ISY1: variants seen among roughly 807,000 people sequenced by gnomAD.
The protein encoded by ISY1 is ISY1 spliceosome associated protein, also known as pre-mRNA-splicing factor ISY1 homolog.
A neutral mutation model predicts 54.4 loss-of-function variants in ISY1; 12 were observed. That is an observed-to-expected ratio of 0.22 (90% CI 0.14 to 0.36). The LOEUF (loss-of-function observed/expected upper bound fraction) is 0.36. Among genes scored for constraint, ISY1 ranks in the 10% least tolerant of loss-of-function variants. The probability of loss-of-function intolerance (pLI) is 1.00; values close to 1 mark genes in which losing one functional copy is unlikely to be tolerated. For synonymous variants in ISY1, 96 were observed against 117.9 expected (o/e 0.81, Z 1.20); for missense variants, 282 against 342.2 (o/e 0.82, Z 1.39).
chr3:129,134,242 C>T, intron 8 of ISY1, 47 bp from the exon 9 acceptor site: 2 of 1,612,284 alleles, frequency 1.2e-6, no homozygotes, highest in Non-Finnish European at 8.5e-7. Context: ...TCTAAATGAG[C>T]TTTCAACACT....
chr3:129,136,511 T>C (rs1224992996), intron 7 of ISY1, among the ~76,000 whole-genome samples: 1 of 150,058 alleles, frequency 6.7e-6, no homozygotes, highest in Non-Finnish European at 1.5e-5. Flanking sequence ...TGTTTTTTTC[T>C]TTTTTTTGTG....
rs1936171296 is a variant in ISY1 at position 129,129,177 on chromosome 3, T to C, written c.*904A>G. The C allele has an allele frequency of 6.6e-6, 1 of 152,188 alleles. No homozygotes were observed. Among genetic ancestry groups the C allele is most frequent in the Non-Finnish European group, 1.5e-5 (1 of 68,048 alleles). 9.4% of individuals were successfully genotyped at this position (152,188 alleles called of 1,614,324 possible). ...TGGCCCAGGGAACAAGCTGAAGACA[T>C]GGAGGTTTCCCTTTCTTATAAAAAT... is the stretch of plus-strand genomic sequence containing the variant. On this transcript the variant is annotated 3_prime_UTR_variant, in exon 11 of 11. Transcript: ENST00000393295.
chr3:129,156,170 G>A (rs960588295), intron 5 of ISY1, among the ~76,000 whole-genome samples: 2 of 151,858 alleles, frequency 1.3e-5, no homozygotes, highest in Admixed American at 6.6e-5. Flanking sequence ...AGGCTGAGGC[G>A]GGCGAATTGC....
At chr3:129,146,598 T>C (rs1936769828) in intron 5 of ISY1, among the ~76,000 whole-genome samples, 2 of 152,278 alleles carry the variant, frequency 1.3e-5, no homozygotes, top group South Asian at 2.1e-4. Context: ...CTAAGACTGA[T>C]GCTCTAGAAG....
At chr3:129,152,427 G>A (rs1201524733) in intron 5 of ISY1, among the ~76,000 whole-genome samples, 3 of 149,956 alleles carry the variant, frequency 2.0e-5, no homozygotes, top group Non-Finnish European at 4.4e-5. Flanking sequence ...TTTTTGAGAC[G>A]GAGTCTCGCT....
chr3:129,151,121 C>CA lies in ISY1; in HGVS notation c.188-5249dup, dbSNP rs924271437. Reference sequence around the variant, plus strand: ...TGGGTGACAGAGGAAGACTCTGTCTCAAAAAAAAATATATATATATATAAA... The same window carrying CA: ...TGGGTGACAGAGGAAGACTCTGTCTCAAAAAAAAAATATATATATATATAAA... On this transcript the variant is annotated intron_variant, in intron 5 of 10. Transcript: ENST00000393295. Among the ~76,000 whole-genome samples the CA allele has an allele frequency of 7.7e-4, 93 of 120,916 alleles. 1 individual carries two copies. The highest frequency in any genetic ancestry group is 2.3e-3 in the African/African-American group (70 of 30,400). 79.3% of individuals were successfully genotyped at this position (120,916 alleles called of 152,430 possible).
intron 7 of ISY1, among the ~76,000 whole-genome samples, chr3:129,136,333 C>G (rs1050222612): frequency 6.6e-6 from 1 of 152,030 alleles, no homozygotes; most frequent in Non-Finnish European, 1.5e-5. Context: ...AACTCCTGAC[C>G]TCAGGTGATC....
At chr3:129,142,471 T>C (rs1936649280) in intron 6 of ISY1, among the ~76,000 whole-genome samples, 1 of 152,152 alleles carries the variant, frequency 6.6e-6, no homozygotes, top group Non-Finnish European at 1.5e-5. Flanking sequence ...TTCAAGTGGT[T>C]CACAAAAAAT....
At position 129,153,403 on chromosome 3, in the gene ISY1, T is replaced by C. The variant is rs369677888; in HGVS notation, c.187+3230A>G. Reference sequence around the variant, plus strand: ...TAGAATTATTGACACTGTAGTTTATTTAGGATAATTATTTGTAGGAGGCTT... The same window carrying C: ...TAGAATTATTGACACTGTAGTTTATCTAGGATAATTATTTGTAGGAGGCTT... On this transcript the variant is annotated intron_variant, in intron 5 of 10. Coordinates refer to ENST00000393295, the MANE Select transcript of ISY1 (RefSeq NM_020701.4). Among the ~76,000 whole-genome samples the C allele has an allele frequency of 4.6e-4, 70 of 152,288 alleles. 1 individual carries two copies. The highest frequency in any genetic ancestry group is 1.7e-3 in the African/African-American group (69 of 41,574).
chr3:129,141,548 A>G (rs894462425), intron 6 of ISY1, among the ~76,000 whole-genome samples: 15 of 151,900 alleles, frequency 9.9e-5, no homozygotes, highest in Non-Finnish European at 2.1e-4. Flanking sequence ...AGGTCAGGAG[A>G]CCGAGACCAT....
At position 129,152,511 on chromosome 3, in the gene ISY1, C is replaced by T. The variant is rs140756032; in HGVS notation, c.187+4122G>A. On this transcript the variant is annotated intron_variant, in intron 5 of 10. Transcript: ENST00000393295. ...CTCCGCCTCCCGGGTTCCAGCGATT[C>T]GCCTGCCTCAGCCTCCCAGGAAGCT... 6.5e-3 allele frequency among the ~76,000 whole-genome samples: 993 copies of T among 152,038 alleles called. 9 individuals carry two copies. The highest frequency in any genetic ancestry group is 0.023 in the African/African-American group (934 of 41,478).
chr3:129,134,272 C>G, intron 8 of ISY1, 77 bp from the exon 9 acceptor site: 1 of 1,599,292 alleles, frequency 6.3e-7, no homozygotes, highest in Non-Finnish European at 8.5e-7. Flanking sequence ...AAGGCCAACA[C>G]TATGCAGGGA....
chr3:129,146,930 A>T (rs545511773), intron 5 of ISY1, among the ~76,000 whole-genome samples: 1 of 152,190 alleles, frequency 6.6e-6, no homozygotes, highest in East Asian at 1.9e-4. Flanking sequence ...GTGGTGGCAC[A>T]TGCCTGTGGT....
chr3:129,149,961 A>C (rs1216596360), intron 5 of ISY1, among the ~76,000 whole-genome samples: 2 of 147,052 alleles, frequency 1.4e-5, no homozygotes, highest in South Asian at 2.1e-4. Context: ...GTGACAGAGA[A>C]AGGCTCTATC....
rs1250348305 is a variant in ISY1 at position 129,134,115 on chromosome 3, C to T, written c.622G>A (p.Glu208Lys). ...GCATAGATGTTGATCTCTTCCTCCTCTTCCTCCTCCTCTTCCTTTTCTCCT... is the reference window on the plus strand; with the variant it reads ...GCATAGATGTTGATCTCTTCCTCCTTTTCCTCCTCCTCTTCCTTTTCTCCT... ...ARGEKEEEEE[E>K]EEEINIYAVT... is the part of the protein sequence containing the mutation. Residue 208 changes from glutamate to lysine, a missense_variant, in exon 9 of 11, where the codon GAG (glutamate) becomes AAG (lysine). Physicochemically the swap from Glu to Lys is moderately conservative, Grantham distance 56. This residue lies in a region of ISY1 where 279 missense variants were observed against 323.6 expected (regional missense o/e 0.86). Coordinates refer to ENST00000393295, the MANE Select transcript of ISY1 (RefSeq NM_020701.4). 1 of 1,614,056 alleles carries T rather than the reference C, an allele frequency of 6.2e-7. No individual in the cohort carries two copies. The highest frequency in any genetic ancestry group is 1.3e-5 in the African/African-American group (1 of 74,942).
Position 129,134,123 on chromosome 3 carries a change from T to TC in ISY1, c.613dup (p.Glu205GlyfsTer48). Reference sequence around the variant, plus strand: ...GTTGATCTCTTCCTCCTCTTCCTCCTCCTCTTCCTTTTCTCCTCTTGCCAG... The same window carrying TC: ...GTTGATCTCTTCCTCCTCTTCCTCCTCCCTCTTCCTTTTCTCCTCTTGCCAG... On this transcript the variant is annotated frameshift_variant, in exon 9 of 11. Transcript: ENST00000393295. LOFTEE classifies it high-confidence loss of function. 1 of 1,614,164 alleles carries TC rather than the reference T, an allele frequency of 6.2e-7. No individual in the cohort carries two copies. The highest frequency in any genetic ancestry group is 8.5e-7 in the Non-Finnish European group (1 of 1,180,042).
intron 9 of ISY1, among the ~76,000 whole-genome samples, chr3:129,131,184 G>T (rs1159920307): frequency 6.6e-6 from 1 of 152,188 alleles, no homozygotes; most frequent in African/African-American, 2.4e-5. Flanking sequence ...CAGTGGGGAT[G>T]GCTTCAAAAG....
At chr3:129,160,505 G>A (rs953363615) in intron 1 of ISY1, among the ~76,000 whole-genome samples, 56 of 152,036 alleles carry the variant, frequency 3.7e-4, no homozygotes, top group African/African-American at 1.3e-3. Context: ...ACGACTCTGT[G>A]TCAGACATTA....
chr3:129,145,553 A>G (rs1043517724), intron 6 of ISY1, among the ~76,000 whole-genome samples: 2 of 152,078 alleles, frequency 1.3e-5, no homozygotes, highest in Non-Finnish European at 2.9e-5. Flanking sequence ...AGGCCGAGAG[A>G]TGAAGCAGCT....
Sources: allele counts gnomAD v4.1 joint callset (sites outside exome capture counted in the v4.1 genomes callset), GRCh38; gene constraint gnomAD v4.1.1; regional missense constraint gnomAD v4.1.1; transcripts MANE v1.5; gene names NCBI Gene and HGNC (gene_info 2026-07-23, HGNC 2026-07-21).